Variants in DBF4 observed in about 807,000 individuals in gnomAD.
DBF4 encodes protein DBF4 homolog A.
Under a neutral mutation model 76.6 loss-of-function variants are expected in DBF4, and 25 were observed. The observed-to-expected ratio is 0.33, with a 90% CI of 0.24 to 0.46. The LOEUF is 0.46. DBF4 is among the 20% of genes least tolerant of loss of function. The pLI is 1.00. For missense variants in DBF4, 638 were observed against 760.8 expected (o/e 0.84, Z 1.90); for synonymous variants, 213 against 258.0 (o/e 0.83, Z 1.67).
At chr7:87,893,903 T>G (rs1044245697) in intron 6 of DBF4, among the ~76,000 whole-genome samples, 1 of 152,204 alleles carries the variant, frequency 6.6e-6, no homozygotes, top group African/African-American at 2.4e-5. Context: ...CCTGCCTTCT[T>G]TCAGATTGAT....
chr7:87,903,143 T>G (rs1839829823), intron 10 of DBF4, among the ~76,000 whole-genome samples: 6 of 152,162 alleles, frequency 3.9e-5, no homozygotes, highest in Admixed American at 2.6e-4. Flanking sequence ...AGTGCAGTGG[T>G]GCAATCTCAG....
intron 2 of DBF4, among the ~76,000 whole-genome samples, chr7:87,880,459 A>G (rs1372618961): frequency 2.6e-5 from 4 of 152,182 alleles, no homozygotes; most frequent in African/African-American, 9.7e-5. Flanking sequence ...TTTCTCCTAA[A>G]AAATGTCTTA....
intron 10 of DBF4, 106 bp from the exon 11 acceptor site, chr7:87,904,186 G>A: frequency 2.5e-6 from 3 of 1,183,744 alleles, no homozygotes; most frequent in South Asian, 3.3e-5. Context: ...AGTAGTTATT[G>A]GAAACCTAAT....
intron 10 of DBF4, among the ~76,000 whole-genome samples, chr7:87,903,279 C>T (rs1284184901): frequency 6.6e-6 from 1 of 152,114 alleles, no homozygotes; most frequent in East Asian, 1.9e-4. Flanking sequence ...GGGATTTCAC[C>T]GTGTTGGCCA....
At chr7:87,883,735 C>A (rs147574142) in intron 2 of DBF4, among the ~76,000 whole-genome samples, 1 of 152,296 alleles carries the variant, frequency 6.6e-6, no homozygotes, top group South Asian at 2.1e-4. Flanking sequence ...TTATCTGTTA[C>A]ACACTTCATT....
In DBF4 at chr7:87,908,525, T is replaced by A. The variant is rs1176083808; in HGVS notation, c.*362T>A. Reference sequence around the variant, plus strand: ...AGTTGTATTGTAAATTTTAAAAGATTATCAGGATAACATGACCTTGCCTTG... The same window carrying A: ...AGTTGTATTGTAAATTTTAAAAGATAATCAGGATAACATGACCTTGCCTTG... On this transcript the variant is annotated 3_prime_UTR_variant, in exon 12 of 12. Transcript: ENST00000265728. 1 of 157,016 alleles carries A rather than the reference T, an allele frequency of 6.4e-6. No individual in the cohort carries two copies. Among genetic ancestry groups the A allele is most frequent in the Non-Finnish European group, 1.4e-5 (1 of 71,238 alleles). 9.7% of individuals were successfully genotyped at this position (157,016 alleles called of 1,614,324 possible).
chr7:87,894,392 G>A (rs938436136), intron 6 of DBF4, among the ~76,000 whole-genome samples: 1 of 152,126 alleles, frequency 6.6e-6, no homozygotes, highest in Non-Finnish European at 1.5e-5. Flanking sequence ...CCCAAGAGGC[G>A]GAGGTTGCAG....
At chr7:87,906,681 A>G (rs1839923188) in intron 11 of DBF4, among the ~76,000 whole-genome samples, 1 of 152,216 alleles carries the variant, frequency 6.6e-6, no homozygotes, top group Non-Finnish European at 1.5e-5. Context: ...TTGATATTAA[A>G]TATTCTTAAA....
chr7:87,895,252 A>G (rs1178882308), intron 6 of DBF4, among the ~76,000 whole-genome samples: 5 of 152,250 alleles, frequency 3.3e-5, no homozygotes, highest in African/African-American at 9.6e-5. Context: ...TCTGCTGAGA[A>G]TTTGTCTCTT....
chr7:87,903,161 T>C (rs1839830652), intron 10 of DBF4, among the ~76,000 whole-genome samples: 1 of 152,152 alleles, frequency 6.6e-6, no homozygotes, highest in African/African-American at 2.4e-5. Context: ...CAGCTCACTG[T>C]AACCTCCATC....
intron 6 of DBF4, 104 bp from the exon 7 acceptor site, chr7:87,896,370 C>T: frequency 1.2e-6 from 1 of 826,508 alleles, no homozygotes; most frequent in Non-Finnish European, 2.0e-6. Context: ...TTTGATATAG[C>T]ACTTTTCTGC....
At chr7:87,898,243 A>T (rs1839688467) in intron 8 of DBF4, among the ~76,000 whole-genome samples, 1 of 152,192 alleles carries the variant, frequency 6.6e-6, no homozygotes, top group Admixed American at 6.5e-5. Flanking sequence ...CTTTTTATGA[A>T]ATGTGTTGCT....
At chr7:87,897,708 GTATAAC>G (rs1839675859) in intron 8 of DBF4, among the ~76,000 whole-genome samples, 2 of 152,194 alleles carry the variant, frequency 1.3e-5, no homozygotes, top group Admixed American at 1.3e-4. Flanking sequence ...GAAAATCTAA[GTATAAC>G]ATCTAACATG....
At chr7:87,887,649 T>C (rs979631503) in intron 5 of DBF4, among the ~76,000 whole-genome samples, 1 of 152,180 alleles carries the variant, frequency 6.6e-6, no homozygotes, top group African/African-American at 2.4e-5. Context: ...GTGGAGACTC[T>C]GCAGAGTCTT....
intron 3 of DBF4, 58 bp from the exon 4 acceptor site, chr7:87,886,785 CT>C: frequency 3.7e-6 from 4 of 1,068,578 alleles, no homozygotes; most frequent in South Asian, 2.8e-5. Context: ...GCTGCTTTAC[CT>C]TTTTAACCTG....
At chr7:87,880,344 AC>A (rs1839181117) in intron 2 of DBF4, among the ~76,000 whole-genome samples, 1 of 152,212 alleles carries the variant, frequency 6.6e-6, no homozygotes. Flanking sequence ...ATTGAAGTAG[AC>A]CAGTGAAGTT....
intron 3 of DBF4, among the ~76,000 whole-genome samples, chr7:87,885,771 G>C (rs1461562891): frequency 1.3e-5 from 2 of 152,130 alleles, no homozygotes; most frequent in Middle Eastern, 3.2e-3. Flanking sequence ...AATGTGTACT[G>C]TCTGGTCCTT....
At position 87,878,062 on chromosome 7, in the gene DBF4, A is replaced by C. The variant is rs767721069; in HGVS notation, c.56A>C (p.Gln19Pro). 1 of 1,599,826 alleles carries C rather than the reference A, an allele frequency of 6.3e-7. No individual in the cohort carries two copies. The highest frequency in any genetic ancestry group is 8.5e-7 in the Non-Finnish European group (1 of 1,175,834). The change falls in exon 2 of 12, where the codon CAA (glutamine) becomes CCA (proline). Residue 19 changes from glutamine to proline, a missense_variant. By Grantham distance (76) the Gln-to-Pro change is moderately conservative (BLOSUM62 -1). Transcript: ENST00000265728. ...TAAACATCTTTAATAGGTGGAATCC[A>C]AGTCAAAAATGAAAAAAACAGACCA... is the stretch of plus-strand genomic sequence containing the variant. ...HSKGHFQGGIQVKNEKNRPSL... is the reference protein window; with the variant it reads ...HSKGHFQGGIPVKNEKNRPSL...
In DBF4 at chr7:87,878,172, C is replaced by A. The variant is rs747945219; in HGVS notation, c.166C>A (p.Pro56Thr). 2.5e-6 allele frequency: 4 copies of A among 1,613,280 alleles called. No individual in the cohort carries two copies. The highest frequency in any genetic ancestry group is 2.5e-6 in the Non-Finnish European group (3 of 1,179,674). ...LWGKVFYLDL[P>T]SVTISEKLQK... ...GGGAAAAGTATTTTACCTTGACTTACCTTCTGTCACCATATCTGAAAAACT... is the reference window on the plus strand; with the variant it reads ...GGGAAAAGTATTTTACCTTGACTTAACTTCTGTCACCATATCTGAAAAACT... The change falls in exon 2 of 12, where the codon CCT becomes ACT. Residue 56 changes from proline (P) to threonine (T), a missense_variant. By Grantham distance (38) the Pro-to-Thr change is conservative (BLOSUM62 -1). Transcript: ENST00000265728.
Sources: allele counts gnomAD v4.1 joint callset (sites outside exome capture counted in the v4.1 genomes callset), GRCh38; gene constraint gnomAD v4.1.1; transcripts MANE v1.5; gene names NCBI Gene and HGNC (gene_info 2026-07-23, HGNC 2026-07-21).